Variants in TBC1D5 observed in about 807,000 individuals in gnomAD.
The protein encoded by TBC1D5 is TBC1 domain family member 5, also known as TBC1 domain family, member 5.
A neutral mutation model predicts 100.3 loss-of-function variants in TBC1D5; 75 were observed. The ratio of observed to expected loss-of-function variants is 0.75; its 90% CI spans 0.62 to 0.91. TBC1D5 has a LOEUF of 0.91. TBC1D5 is among the 40% of genes least tolerant of loss of function. The pLI, the probability that TBC1D5 is intolerant of heterozygous loss-of-function variation, is 0.00. For missense variants in TBC1D5, 910 were observed against 942.4 expected (o/e 0.97, Z 0.45); for synonymous variants, 323 against 325.6 (o/e 0.99, Z 0.09).
intron 1 of TBC1D5, among the ~76,000 whole-genome samples, chr3:17,636,788 G>C (rs930329835): frequency 6.6e-6 from 1 of 151,366 alleles, no homozygotes; most frequent in Non-Finnish European, 1.5e-5. Flanking sequence ...GAGACAGAGC[G>C]AGACTCCGTC....
At chr3:17,317,256 GATT>G (rs1375740845) in intron 13 of TBC1D5, among the ~76,000 whole-genome samples, 1 of 152,188 alleles carries the variant, frequency 6.6e-6, no homozygotes, top group Non-Finnish European at 1.5e-5. Context: ...CACCATCTGG[GATT>G]ATGTATGTCT....
intron 9 of TBC1D5, among the ~76,000 whole-genome samples, chr3:17,383,407 T>C (rs1260805287): frequency 6.6e-6 from 1 of 151,846 alleles, no homozygotes; most frequent in Non-Finnish European, 1.5e-5. Flanking sequence ...AACCCAATAA[T>C]CTTCTTTGCT....
intron 1 of TBC1D5, among the ~76,000 whole-genome samples, chr3:17,724,075 C>CTTTTTT (rs969049204): frequency 7.6e-6 from 1 of 131,050 alleles, no homozygotes; most frequent in East Asian, 2.2e-4. Flanking sequence ...CGATTGGCAA[C>CTTTTTT]TTTTTTTTTT....
At chr3:17,311,169 T>A (rs1250920506) in intron 13 of TBC1D5, among the ~76,000 whole-genome samples, 1 of 151,988 alleles carries the variant, frequency 6.6e-6, no homozygotes, top group African/African-American at 2.4e-5. Context: ...GTTAAAAATA[T>A]TTAGTGAGAG....
chr3:17,317,520 G>A (rs972195416), intron 13 of TBC1D5, among the ~76,000 whole-genome samples: 1 of 152,152 alleles, frequency 6.6e-6, no homozygotes, highest in African/African-American at 2.4e-5. Context: ...AAACAAAAGA[G>A]TTAAGGAGGG....
chr3:17,240,948 A>T (rs1576216689), intron 16 of TBC1D5, among the ~76,000 whole-genome samples: 1 of 152,318 alleles, frequency 6.6e-6, no homozygotes, highest in East Asian at 1.9e-4. Context: ...AAGTTTATGC[A>T]GAGCAATTTT....
In TBC1D5 at chr3:17,381,199, T is replaced by C. The variant is rs1054742224; in HGVS notation, c.612+2714A>G. ...TTCCATATTCCTGAGTAGTCTTCTA[T>C]ACAAATGCAGTGGGCCACATACATC... On this transcript the variant is annotated intron_variant, in intron 9 of 21. Coordinates refer to ENST00000253692, the Ensembl canonical transcript of TBC1D5. Among the ~76,000 whole-genome samples the C allele has an allele frequency of 2.0e-5, 3 of 152,206 alleles. No individual in the cohort carries two copies. The East Asian group carries it at 5.8e-4, about 29-fold the overall frequency.
intron 1 of TBC1D5, among the ~76,000 whole-genome samples, chr3:17,632,922 A>C (rs2063613410): frequency 6.6e-6 from 1 of 152,154 alleles, no homozygotes; most frequent in Non-Finnish European, 1.5e-5. Flanking sequence ...CTGAACCTGC[A>C]ATCTCTCTGA....
In TBC1D5 at chr3:17,529,652, T is replaced by A. The variant is rs143265282; in HGVS notation, c.-35-21047A>T. On this transcript the variant is annotated intron_variant, in intron 2 of 21. Transcript: ENST00000253692. ...AGAAGGCATTATTATTATTATTATT[T>A]TTATTTTTTTTTGAGACAGAGTCTT... Among the ~76,000 whole-genome samples the A allele has an allele frequency of 3.5e-3, 531 of 151,748 alleles. 1 individual carries two copies. The highest frequency in any genetic ancestry group is 7.0e-3 in the African/African-American group (287 of 41,202).
intron 15 of TBC1D5, among the ~76,000 whole-genome samples, chr3:17,268,287 A>C (rs529416974): frequency 2.0e-5 from 3 of 152,292 alleles, no homozygotes; most frequent in African/African-American, 7.2e-5. Flanking sequence ...CTACTTTAAT[A>C]ATAATGATTG....
chr3:17,486,735 G>C (rs888693494), intron 3 of TBC1D5, among the ~76,000 whole-genome samples: 2 of 152,142 alleles, frequency 1.3e-5, no homozygotes, highest in African/African-American at 2.4e-5. Flanking sequence ...AGCCCACCTA[G>C]CATCTTCACC....
At chr3:17,455,925 C>T (rs2095074305) in intron 3 of TBC1D5, among the ~76,000 whole-genome samples, 1 of 152,226 alleles carries the variant, frequency 6.6e-6, no homozygotes, top group Non-Finnish European at 1.5e-5. Flanking sequence ...GTAACCAAAA[C>T]AGGATGGCAC....
chr3:17,561,678 G>A (rs1056781427), intron 2 of TBC1D5, among the ~76,000 whole-genome samples: 2 of 152,020 alleles, frequency 1.3e-5, no homozygotes, highest in African/African-American at 4.8e-5. Flanking sequence ...TTAGGCCAAC[G>A]AATTTGAAGA....
chr3:17,493,260 A>C (rs576683172), intron 3 of TBC1D5, among the ~76,000 whole-genome samples: 1 of 150,662 alleles, frequency 6.6e-6, no homozygotes, highest in South Asian at 2.1e-4. Flanking sequence ...AATGTTGAAT[A>C]TTGGCCTCCA....
chr3:17,729,015 G>GAAAAAAAA (rs2076342384), intron 1 of TBC1D5, among the ~76,000 whole-genome samples: 4 of 12,384 alleles, frequency 3.2e-4, no homozygotes, highest in East Asian at 1.8e-3. Flanking sequence ...CTGAAAATCA[G>GAAAAAAAA]TAAAAAAAAA....
At chr3:17,588,919 A>T (rs1212945552) in intron 2 of TBC1D5, among the ~76,000 whole-genome samples, 1 of 152,244 alleles carries the variant, frequency 6.6e-6, no homozygotes. Flanking sequence ...ACCTACTAAA[A>T]TATCCATGAT....
intron 1 of TBC1D5, among the ~76,000 whole-genome samples, chr3:17,728,328 T>A (rs1031184023): frequency 6.6e-6 from 1 of 152,120 alleles, no homozygotes; most frequent in Non-Finnish European, 1.5e-5. Context: ...GAAAGGAAGA[T>A]GGAACATTCA....
chr3:17,538,894 G>C (rs1481042847), intron 2 of TBC1D5, among the ~76,000 whole-genome samples: 1 of 152,080 alleles, frequency 6.6e-6, no homozygotes, highest in African/African-American at 2.4e-5. Context: ...CAAAAAGCTG[G>C]AGTGAGGCCA....
At chr3:17,261,671 A>T (rs2078304095) in intron 15 of TBC1D5, among the ~76,000 whole-genome samples, 1 of 152,074 alleles carries the variant, frequency 6.6e-6, no homozygotes, top group Non-Finnish European at 1.5e-5. Context: ...ACACGCATGC[A>T]CCAACATGCC....
Sources: gnomAD v4.1 joint callset for allele counts (sites outside exome capture counted in the v4.1 genomes callset) on GRCh38, gnomAD v4.1.1 for gene constraint, MANE v1.5 for transcripts, NCBI Gene and HGNC (gene_info 2026-07-23, HGNC 2026-07-21) for gene names.